CDH6: variants seen among roughly 807,000 people sequenced by gnomAD.
CDH6 encodes cadherin-6.
Under a neutral mutation model 78.0 loss-of-function variants are expected in CDH6, and 31 were observed. That is an observed-to-expected ratio of 0.40 (90% CI 0.30 to 0.54). The LOEUF (loss-of-function observed/expected upper bound fraction) is 0.54, where lower values mean the gene tolerates loss of function less well. CDH6 is among the 20% of genes least tolerant of loss of function. CDH6 has a pLI of 0.56. For synonymous variants in CDH6, 376 were observed against 368.8 expected (o/e 1.02, Z -0.23); for missense variants, 724 against 975.9 (o/e 0.74, Z 3.44).
chr5:31,309,362 AC>A (rs1159827824), intron 7 of CDH6, among the ~76,000 whole-genome samples: 1 of 152,202 alleles, frequency 6.6e-6, no homozygotes, highest in Non-Finnish European at 1.5e-5. Flanking sequence ...CCAAAATAAT[AC>A]ATTCAAGTAG....
chr5:31,252,563 G>T (rs13354126), intron 1 of CDH6, among the ~76,000 whole-genome samples: 1 of 152,084 alleles, frequency 6.6e-6, no homozygotes, highest in East Asian at 1.9e-4. Flanking sequence ...AGGGAAACTC[G>T]TGTGATAATT....
intron 1 of CDH6, among the ~76,000 whole-genome samples, chr5:31,245,887 C>T (rs1335820677): frequency 4.9e-5 from 7 of 141,886 alleles, no homozygotes; most frequent in African/African-American, 1.9e-4. Flanking sequence ...ATTTTCTTTT[C>T]TCTCTCTCTC....
At chr5:31,293,126 T>A (rs1737456388) in intron 2 of CDH6, among the ~76,000 whole-genome samples, 2 of 152,036 alleles carry the variant, frequency 1.3e-5, no homozygotes, top group Non-Finnish European at 2.9e-5. Flanking sequence ...TCACTGACAG[T>A]TAGTCATCAG....
chr5:31,263,608 C>G (rs562104130), intron 1 of CDH6, among the ~76,000 whole-genome samples: 1 of 151,808 alleles, frequency 6.6e-6, no homozygotes, highest in East Asian at 1.9e-4. Context: ...ATAAAGCCAC[C>G]ACTCCCACTC....
intron 2 of CDH6, among the ~76,000 whole-genome samples, chr5:31,268,884 A>C (rs6891192): frequency 0.46 from 69,266 of 151,722 alleles, 16,063 homozygotes; most frequent in Middle Eastern, 0.58. Context: ...TATTCCAATG[A>C]TGTGAATTAT....
intron 10 of CDH6, 46 bp from the exon 11 acceptor site, chr5:31,317,627 T>C (rs1388122697): frequency 6.3e-7 from 1 of 1,586,410 alleles, no homozygotes; most frequent in Admixed American, 1.7e-5. Context: ...ATTTAATACA[T>C]GACGCAGTAT....
At chr5:31,203,751 G>C (rs1740436673) in intron 1 of CDH6, among the ~76,000 whole-genome samples, 1 of 151,494 alleles carries the variant, frequency 6.6e-6, no homozygotes, top group Non-Finnish European at 1.5e-5. Flanking sequence ...ATAGTCCTTT[G>C]GGTATATACC....
intron 2 of CDH6, among the ~76,000 whole-genome samples, chr5:31,288,152 C>T (rs1054070278): frequency 6.6e-6 from 1 of 152,186 alleles, no homozygotes; most frequent in African/African-American, 2.4e-5. Flanking sequence ...TGAAGTTGCA[C>T]CCTTTACATT....
At chr5:31,243,905 A>G (rs1741675050) in intron 1 of CDH6, among the ~76,000 whole-genome samples, 1 of 152,240 alleles carries the variant, frequency 6.6e-6, no homozygotes, top group Non-Finnish European at 1.5e-5. Context: ...CACCAAGCCT[A>G]TAAATACTAT....
intron 2 of CDH6, among the ~76,000 whole-genome samples, chr5:31,276,876 C>T (rs553484534): frequency 2.0e-4 from 31 of 152,264 alleles, no homozygotes; most frequent in African/African-American, 7.0e-4. Context: ...AGGCTTAGAA[C>T]GGGGCCCAAG....
chr5:31,319,736 A>G (rs759629539), intron 11 of CDH6, among the ~76,000 whole-genome samples: 5 of 152,240 alleles, frequency 3.3e-5, no homozygotes, highest in Non-Finnish European at 7.3e-5. Flanking sequence ...TGATATAGGA[A>G]GAAATCTGGA....
chr5:31,261,713 T>G (rs1422956072), intron 1 of CDH6, among the ~76,000 whole-genome samples: 1 of 152,214 alleles, frequency 6.6e-6, no homozygotes, highest in East Asian at 1.9e-4. Flanking sequence ...AATATTGCAC[T>G]GATTAGAATT....
At chr5:31,299,747 C>T in intron 5 of CDH6, 116 bp downstream of exon 5, 1 of 826,448 alleles carries the variant, frequency 1.2e-6, no homozygotes, top group African/African-American at 1.7e-5. Flanking sequence ...TTAAGAAGAA[C>T]TGGTACTTTT....
rs755365114 is a variant in CDH6, at chr5:31,318,164, CTT to C, written c.1882+241_1882+242del. On this transcript the variant is annotated intron_variant, in intron 11 of 11. Transcript: ENST00000265071. ...TGCTTGCCCAGGAAGCAAAGAATCTCTTGTCTATCAGACTGGGAATGAATCTC... is the reference window on the plus strand; with the variant it reads ...TGCTTGCCCAGGAAGCAAAGAATCTCGTCTATCAGACTGGGAATGAATCTC... The C allele has an allele frequency of 7.4e-4, 446 of 602,978 alleles. 1 individual carries two copies. The highest frequency in any genetic ancestry group is 5.5e-4 in the Non-Finnish European group (185 of 335,752). The allele number at this position is 602,978 out of a possible 1,614,324, so 37.4% of individuals were successfully genotyped here. A position where few individuals can be genotyped will look rare whatever the true frequency, so the allele number is the denominator to read the frequency against.
Position 31,323,889 on chromosome 5 carries a change from C to T in CDH6, c.*581C>T, listed in dbSNP as rs1404153827. 3 of 229,366 alleles carry T rather than the reference C, an allele frequency of 1.3e-5. No homozygotes were observed. Among genetic ancestry groups the T allele is most frequent in the Non-Finnish European group, 2.6e-5 (3 of 115,796 alleles). 14.2% of individuals were successfully genotyped at this position (229,366 alleles called of 1,614,324 possible). A position where few individuals can be genotyped will look rare whatever the true frequency, so the allele number is the denominator to read the frequency against. The stretch of plus-strand genomic sequence containing the variant: ...TCAAATCCACCCATATGTTAAAATT[C>T]TCATTACTCTTAAGGAATAGAAGCA... On this transcript the variant is annotated 3_prime_UTR_variant, in exon 12 of 12. Coordinates refer to ENST00000265071, the MANE Select transcript of CDH6 (RefSeq NM_004932.4).
At chr5:31,313,277 TAGAA>T (rs762414512) in intron 7 of CDH6, 37 bp from the exon 8 acceptor site, 1 of 1,557,178 alleles carries the variant, frequency 6.4e-7, no homozygotes, top group South Asian at 1.2e-5. Flanking sequence ...GAATAGGAAA[TAGAA>T]AGAAAAGCCT....
chr5:31,219,356 G>C (rs995166454), intron 1 of CDH6, among the ~76,000 whole-genome samples: 2 of 152,068 alleles, frequency 1.3e-5, no homozygotes, highest in East Asian at 3.9e-4. Flanking sequence ...CATACACACA[G>C]CCACACACAT....
chr5:31,254,127 C>T (rs1187591572), intron 1 of CDH6, among the ~76,000 whole-genome samples: 1 of 152,194 alleles, frequency 6.6e-6, no homozygotes, highest in Non-Finnish European at 1.5e-5. Context: ...AGCTTATCCA[C>T]GCTGTCTACA....
At chr5:31,269,274 A>C (rs901835506) in intron 2 of CDH6, among the ~76,000 whole-genome samples, 2 of 115,642 alleles carry the variant, frequency 1.7e-5, no homozygotes, top group African/African-American at 6.0e-5. Flanking sequence ...TTAAAAAAAA[A>C]AAAAAAAGCG....
Sources: gnomAD v4.1 joint callset for allele counts (sites outside exome capture counted in the v4.1 genomes callset) on GRCh38, gnomAD v4.1.1 for gene constraint, MANE v1.5 for transcripts, NCBI Gene and HGNC (gene_info 2026-07-23, HGNC 2026-07-21) for gene names.